Variants in WDFY2 observed in about 807,000 individuals in gnomAD.
The protein encoded by WDFY2 is WD repeat and FYVE domain containing 2.
A neutral mutation model predicts 56.4 loss-of-function variants in WDFY2; 36 were observed. That is an observed-to-expected ratio of 0.64 (90% confidence interval 0.49 to 0.84). The LOEUF (loss-of-function observed/expected upper bound fraction) is 0.84. Ranked by LOEUF, WDFY2 falls within the 40% of genes least tolerant of loss-of-function variation. WDFY2 has a pLI of 0.00. For synonymous variants in WDFY2, 176 were observed against 183.7 expected (o/e 0.96, Z 0.34); for missense variants, 444 against 512.2 (o/e 0.87, Z 1.29).
At chr13:51,630,335 C>T (rs974134442) in intron 1 of WDFY2, among the ~76,000 whole-genome samples, 1 of 152,146 alleles carries the variant, frequency 6.6e-6, no homozygotes, top group Non-Finnish European at 1.5e-5. Context: ...TTCTGAGTCA[C>T]AGACTATATA....
At chr13:51,685,900 T>G (rs1956054962) in intron 3 of WDFY2, among the ~76,000 whole-genome samples, 1 of 152,176 alleles carries the variant, frequency 6.6e-6, no homozygotes, top group Non-Finnish European at 1.5e-5. Context: ...ATGGCAATAT[T>G]TTTTGAGTGA....
chr13:51,606,463 A>T (rs1954386579), intron 1 of WDFY2, among the ~76,000 whole-genome samples: 1 of 152,188 alleles, frequency 6.6e-6, no homozygotes, highest in Admixed American at 6.5e-5. Context: ...GGTATTTGGG[A>T]AACAAATATT....
intron 1 of WDFY2, among the ~76,000 whole-genome samples, chr13:51,600,446 C>G (rs1954251753): frequency 6.6e-6 from 1 of 152,222 alleles, no homozygotes; most frequent in Non-Finnish European, 1.5e-5. Flanking sequence ...GTATCTGCCT[C>G]ATTCTTTCTT....
At chr13:51,649,674 A>G (rs1247645384) in intron 1 of WDFY2, among the ~76,000 whole-genome samples, 2 of 148,586 alleles carry the variant, frequency 1.3e-5, no homozygotes, top group Non-Finnish European at 3.0e-5. Flanking sequence ...GAGTGAGAAC[A>G]TGCAGTGTTT....
At chr13:51,637,751 T>G (rs1955079766) in intron 1 of WDFY2, among the ~76,000 whole-genome samples, 1 of 152,178 alleles carries the variant, frequency 6.6e-6, no homozygotes, top group African/African-American at 2.4e-5. Context: ...ACATATAGGA[T>G]AAAAAAGATA....
At chr13:51,755,559 G>C in intron 9 of WDFY2, 100 bp downstream of exon 9, 1 of 1,156,616 alleles carries the variant, frequency 8.6e-7, no homozygotes. Context: ...GTTGTGGTGA[G>C]GGTAAATTAT....
chr13:51,671,207 T>G (rs1955801116), intron 2 of WDFY2, among the ~76,000 whole-genome samples: 3 of 152,210 alleles, frequency 2.0e-5, no homozygotes, highest in African/African-American at 7.2e-5. Context: ...GTATAATGAC[T>G]TCTTTTTGTC....
At chr13:51,657,218 C>T (rs537936508) in intron 1 of WDFY2, among the ~76,000 whole-genome samples, 1 of 152,144 alleles carries the variant, frequency 6.6e-6, no homozygotes, top group South Asian at 2.1e-4. Context: ...TAGCTCTGTT[C>T]CTACCCCTTT....
intron 1 of WDFY2, among the ~76,000 whole-genome samples, chr13:51,593,417 C>T (rs956316129): frequency 4.7e-4 from 72 of 152,106 alleles, no homozygotes; most frequent in African/African-American, 1.7e-3. Flanking sequence ...TATCCCCCAC[C>T]CTGAGTTTTT....
intron 1 of WDFY2, 101 bp downstream of exon 1, chr13:51,584,925 C>CT: frequency 6.7e-7 from 1 of 1,487,794 alleles, no homozygotes; most frequent in South Asian, 1.3e-5. Flanking sequence ...CGAGTGTAGA[C>CT]TTGCTCCCCC....
Position 51,719,337 on chromosome 13 carries a change from C to T in WDFY2, c.474C>T (p.Ala158=). The T allele has an allele frequency of 1.3e-6, 2 of 1,595,634 alleles. No individual in the cohort carries two copies. Among genetic ancestry groups the T allele is most frequent in the Non-Finnish European group, 1.7e-6 (2 of 1,171,676 alleles). ...GAGGTTATCGGACCAGTGCTGTGGC[C>T]TCAGGCCTGCAGTATCCTTTGCTGG... ...RLGGYRTSAV[A]SGLQFDVETR... Residue 158 remains alanine, a synonymous_variant, in exon 5 of 12, where the codon GCC becomes GCT. Transcript: ENST00000298125.
intron 4 of WDFY2, among the ~76,000 whole-genome samples, chr13:51,704,017 AGTGTGTTGT>A (rs1353696089): frequency 6.6e-6 from 1 of 152,200 alleles, no homozygotes; most frequent in Non-Finnish European, 1.5e-5. Context: ...AAGTGCTCAG[AGTGTGTTGT>A]CCAAGGGGAA....
At chr13:51,626,307 C>T (rs968044374) in intron 1 of WDFY2, among the ~76,000 whole-genome samples, 1 of 152,192 alleles carries the variant, frequency 6.6e-6, no homozygotes, top group African/African-American at 2.4e-5. Flanking sequence ...TCTCTTTCTG[C>T]TCTCTGTGAG....
intron 11 of WDFY2, among the ~76,000 whole-genome samples, chr13:51,759,239 G>A (rs1366776722): frequency 1.3e-5 from 2 of 152,168 alleles, no homozygotes; most frequent in Non-Finnish European, 2.9e-5. Flanking sequence ...CTTTATTTTT[G>A]AAAACGAGGT....
intron 8 of WDFY2, among the ~76,000 whole-genome samples, chr13:51,755,016 T>C (rs1953334583): frequency 6.6e-6 from 1 of 152,204 alleles, no homozygotes. Flanking sequence ...TCAGTTGTCT[T>C]ATTTGTCTGA....
intron 5 of WDFY2, among the ~76,000 whole-genome samples, chr13:51,725,936 A>G (rs2138649251): frequency 6.6e-6 from 1 of 152,216 alleles, no homozygotes; most frequent in East Asian, 1.9e-4. Context: ...TGGCCTCCCA[A>G]AGTGCTGGGA....
At chr13:51,736,689 C>T (rs1009162207) in intron 6 of WDFY2, among the ~76,000 whole-genome samples, 1 of 152,200 alleles carries the variant, frequency 6.6e-6, no homozygotes, top group African/African-American at 2.4e-5. Flanking sequence ...GATGGGGTTT[C>T]ATCATATTGG....
chr13:51,660,722 C>T, intron 2 of WDFY2, 59 bp downstream of exon 2: 1 of 1,472,924 alleles, frequency 6.8e-7, no homozygotes, highest in Non-Finnish European at 9.5e-7. Context: ...ATTGCCTTCT[C>T]TGTATTTTCT....
chr13:51,695,664 T>C (rs1407859328), intron 3 of WDFY2, among the ~76,000 whole-genome samples: 2 of 152,332 alleles, frequency 1.3e-5, no homozygotes, highest in Non-Finnish European at 2.9e-5. Context: ...GCAGTCTGCC[T>C]GTTCTCAGAT....
Sources: allele counts gnomAD v4.1 joint callset (sites outside exome capture counted in the v4.1 genomes callset), GRCh38; gene constraint gnomAD v4.1.1; transcripts MANE v1.5; gene names NCBI Gene and HGNC (gene_info 2026-07-23, HGNC 2026-07-21).